AFG1L: variants seen among roughly 807,000 people sequenced by gnomAD.
AFG1L encodes the protein AFG1 like ATPase.
A neutral mutation model predicts 62.2 loss-of-function variants in AFG1L; 53 were observed. The observed-to-expected ratio is 0.85, with a 90% CI of 0.68 to 1.07. The LOEUF (loss-of-function observed/expected upper bound fraction) is 1.07, where lower values mean the gene tolerates loss of function less well. AFG1L is among the 50% of genes least tolerant of loss of function. The pLI is 0.00. For synonymous variants in AFG1L, 228 were observed against 210.3 expected, an observed-to-expected ratio of 1.08 and a Z score of -0.73; for missense variants, 555 against 590.5, an observed-to-expected ratio of 0.94 and a Z score of 0.62.
intron 1 of AFG1L, chr6:108,318,366 G>A: frequency 2.6e-6 from 1 of 383,332 alleles, no homozygotes; most frequent in Non-Finnish European, 5.0e-6. Context: ...ATTTTGAACT[G>A]GGAAGAGGTA....
chr6:108,451,778 G>C (rs1772065783), intron 8 of AFG1L, among the ~76,000 whole-genome samples: 1 of 152,084 alleles, frequency 6.6e-6, no homozygotes, highest in South Asian at 2.1e-4. Flanking sequence ...GAGTGCAGTG[G>C]CGTGATCTCG....
chr6:108,357,918 C>T (rs1392584315), intron 5 of AFG1L, among the ~76,000 whole-genome samples: 1 of 152,162 alleles, frequency 6.6e-6, no homozygotes, highest in Non-Finnish European at 1.5e-5. Flanking sequence ...AAAGAATTTT[C>T]ACCAGCAATG....
chr6:108,422,476 G>GAAAAAAAAAAAAAAA (rs1770634582), intron 7 of AFG1L, among the ~76,000 whole-genome samples: 1 of 8,292 alleles, frequency 1.2e-4, no homozygotes, highest in African/African-American at 1.3e-3. Context: ...TTAGTCCTCA[G>GAAAAAAAAAAAAAAA]CAAAAAAAAA....
intron 10 of AFG1L, among the ~76,000 whole-genome samples, chr6:108,484,248 T>G (rs912006459): frequency 6.6e-6 from 1 of 152,194 alleles, no homozygotes; most frequent in African/African-American, 2.4e-5. Flanking sequence ...CTGTGTATGC[T>G]CATTTCCCAC....
At chr6:108,411,127 T>C (rs1782089959) in intron 7 of AFG1L, among the ~76,000 whole-genome samples, 1 of 152,172 alleles carries the variant, frequency 6.6e-6, no homozygotes. Flanking sequence ...TGTGCCTGGC[T>C]TGGAGGGTCC....
chr6:108,314,674 A>C (rs1447237196), intron 1 of AFG1L, among the ~76,000 whole-genome samples: 7 of 151,960 alleles, frequency 4.6e-5, no homozygotes, highest in Non-Finnish European at 8.8e-5. Flanking sequence ...TGCTAGGATT[A>C]CAGGCGTGAG....
chr6:108,408,152 C>T (rs1226866314), intron 7 of AFG1L, among the ~76,000 whole-genome samples: 3 of 148,024 alleles, frequency 2.0e-5, no homozygotes, highest in Non-Finnish European at 3.0e-5. Context: ...CCTGTGCAGG[C>T]GTCTCACTCT....
At chr6:108,404,968 G>T (rs1176241570) in intron 7 of AFG1L, among the ~76,000 whole-genome samples, 1 of 152,080 alleles carries the variant, frequency 6.6e-6, no homozygotes, top group East Asian at 1.9e-4. Flanking sequence ...GACCTCAAGT[G>T]ATCTGCCTGC....
intron 7 of AFG1L, among the ~76,000 whole-genome samples, chr6:108,431,341 C>T (rs1046636846): frequency 2.0e-5 from 3 of 151,780 alleles, no homozygotes; most frequent in African/African-American, 7.3e-5. Context: ...TGACCTCAGG[C>T]GATCCGCCTG....
At chr6:108,502,254 G>A (rs1774234057) in intron 10 of AFG1L, among the ~76,000 whole-genome samples, 1 of 151,598 alleles carries the variant, frequency 6.6e-6, no homozygotes, top group Non-Finnish European at 1.5e-5. Flanking sequence ...TGCCGAGGCT[G>A]GAGTGCAATG....
Position 108,376,304 on chromosome 6 carries a change from A to T in AFG1L, c.748+9972A>T, listed in dbSNP as rs148571813. On this transcript the variant is annotated intron_variant, in intron 6 of 12. Coordinates refer to ENST00000368977, the MANE Select transcript of AFG1L (RefSeq NM_145315.5). ...TTCTTTGTGTGGATTTTTGAGTCTC[A>T]ATTTTGTTCAGTTGTGCTCTGATTT... 2.2e-4 allele frequency among the ~76,000 whole-genome samples: 33 copies of T among 151,808 alleles called. No individual in the cohort carries two copies. The South Asian group carries it at 2.7e-3, about 12-fold the overall frequency.
chr6:108,307,321 G>A (rs618435), intron 1 of AFG1L, among the ~76,000 whole-genome samples: 97,787 of 152,068 alleles, frequency 0.64, 31,829 homozygotes, highest in East Asian at 0.79. Context: ...CTAAAAATAA[G>A]TTACTTTTAA....
chr6:108,506,932 T>G (rs190031841), intron 10 of AFG1L, among the ~76,000 whole-genome samples: 2 of 152,336 alleles, frequency 1.3e-5, no homozygotes, highest in Non-Finnish European at 1.5e-5. Flanking sequence ...TTTTGAACTT[T>G]TCTTTTTAGA....
intron 1 of AFG1L, among the ~76,000 whole-genome samples, chr6:108,320,646 G>A (rs1777781824): frequency 1.3e-5 from 2 of 152,254 alleles, no homozygotes; most frequent in South Asian, 4.1e-4. Context: ...TGCTTATCAA[G>A]TGGCTCATTT....
chr6:108,336,741 T>A (rs1778491527), intron 2 of AFG1L, among the ~76,000 whole-genome samples: 2 of 152,228 alleles, frequency 1.3e-5, no homozygotes, highest in Admixed American at 1.3e-4. Context: ...CTTTTCATTT[T>A]GAAAAATTTC....
intron 6 of AFG1L, among the ~76,000 whole-genome samples, chr6:108,366,709 G>A (rs1201910484): frequency 6.6e-6 from 1 of 151,776 alleles, no homozygotes; most frequent in African/African-American, 2.4e-5. Flanking sequence ...GAAAAAGACC[G>A]AAAACTTGCT....
At chr6:108,334,817 G>A (rs1196596588) in intron 2 of AFG1L, among the ~76,000 whole-genome samples, 1 of 151,986 alleles carries the variant, frequency 6.6e-6, no homozygotes, top group Non-Finnish European at 1.5e-5. Context: ...ATTGTTCTCT[G>A]CTGGCAATAA....
At chr6:108,347,065 G>T in intron 3 of AFG1L, 26 bp downstream of exon 3, 1 of 1,597,582 alleles carries the variant, frequency 6.3e-7, no homozygotes, top group African/African-American at 1.3e-5. Context: ...TAAGTTTTGG[G>T]TGGGCAAAAC....
intron 3 of AFG1L, among the ~76,000 whole-genome samples, chr6:108,350,551 G>A (rs939186715): frequency 3.3e-5 from 5 of 152,108 alleles, no homozygotes; most frequent in African/African-American, 1.2e-4. Flanking sequence ...TATTATCATG[G>A]TTCAATCTTG....
Sources: gnomAD v4.1 joint callset for allele counts (sites outside exome capture counted in the v4.1 genomes callset) on GRCh38, gnomAD v4.1.1 for gene constraint, MANE v1.5 for transcripts, NCBI Gene and HGNC (gene_info 2026-07-23, HGNC 2026-07-21) for gene names.